PTPRA: variants seen among roughly 807,000 people sequenced by gnomAD.
PTPRA encodes the protein protein tyrosine phosphatase receptor type A, also known as receptor-type tyrosine-protein phosphatase alpha.
In PTPRA, 25 loss-of-function variants were observed where a neutral mutation model predicts 104.8. The ratio of observed to expected loss-of-function variants is 0.24; its 90% CI spans 0.17 to 0.33. The LOEUF is 0.33. Among genes scored for constraint, PTPRA ranks in the 10% least tolerant of loss-of-function variants. The pLI is 1.00. For missense variants in PTPRA, 765 were observed against 1,015.3 expected (o/e 0.75, Z 3.35); for synonymous variants, 323 against 368.9 (o/e 0.88, Z 1.43).
chr20:2,894,652 A>T (rs564963385), intron 1 of PTPRA, among the ~76,000 whole-genome samples: 4 of 151,226 alleles, frequency 2.6e-5, no homozygotes, highest in African/African-American at 9.7e-5. Context: ...TGTGATCTTC[A>T]CTTTAACTGT....
At chr20:2,930,675 CCTGT>C (rs2060472629) in intron 2 of PTPRA, among the ~76,000 whole-genome samples, 1 of 152,002 alleles carries the variant, frequency 6.6e-6, no homozygotes, top group South Asian at 2.1e-4. Flanking sequence ...TGGCATTTTC[CCTGT>C]CTGTTTTCAC....
At chr20:2,881,185 TG>T (rs2090029030) in intron 1 of PTPRA, among the ~76,000 whole-genome samples, 2 of 151,478 alleles carry the variant, frequency 1.3e-5, no homozygotes, top group Admixed American at 1.3e-4. Flanking sequence ...CGTGTGCCTC[TG>T]GGTAATTTCA....
At chr20:2,961,973 G>A (rs1161990106) in intron 3 of PTPRA, among the ~76,000 whole-genome samples, 1 of 152,024 alleles carries the variant, frequency 6.6e-6, no homozygotes, top group African/African-American at 2.4e-5. Context: ...CTTTTCTTTT[G>A]CTAATACCAC....
intron 9 of PTPRA, among the ~76,000 whole-genome samples, chr20:2,996,380 G>A (rs1600228758): frequency 6.6e-6 from 1 of 152,184 alleles, no homozygotes; most frequent in African/African-American, 2.4e-5. Context: ...TGGGAGAGAA[G>A]AGGAGAAATA....
chr20:2,877,422 G>T (rs1222655243), intron 1 of PTPRA, among the ~76,000 whole-genome samples: 7 of 152,114 alleles, frequency 4.6e-5, no homozygotes, highest in African/African-American at 1.7e-4. Flanking sequence ...ACTGTACCTG[G>T]CTAATTTTGT....
chr20:3,030,642 G>T (rs979759684), intron 20 of PTPRA, among the ~76,000 whole-genome samples: 1 of 143,662 alleles, frequency 7.0e-6, no homozygotes, highest in South Asian at 2.3e-4. Context: ...TTAAAATCTC[G>T]AAGGAATTAA....
At chr20:2,914,471 GTGTGTGTGTACTGTGAGTTCACAC>G (rs1338732911) in intron 1 of PTPRA, among the ~76,000 whole-genome samples, 5 of 151,362 alleles carry the variant, frequency 3.3e-5, no homozygotes, top group Non-Finnish European at 7.4e-5. Context: ...GTGTGTGTGT[GTGTGTGTGTACTGTGAGTTCACAC>G]TGGTACCTAG....
rs76988089 is a variant in PTPRA, at chr20:2,878,697, T to C, written c.-129+4937T>C. On this transcript the variant is annotated intron_variant, in intron 1 of 23. Coordinates refer to ENST00000399903, the MANE Select transcript of PTPRA (RefSeq NM_001385305.1). ...GGTGCCTAATTGCAATCTGGAAAGG[T>C]TGAACTAGTTTCCAGCACTATCAGC... 3.5e-3 allele frequency among the ~76,000 whole-genome samples: 536 copies of C among 152,356 alleles called. 5 individuals carry two copies. Among genetic ancestry groups the C allele is most frequent in the African/African-American group, 0.013 (524 of 41,582 alleles).
At chr20:2,867,281 C>T in the PTPRA span, among the ~76,000 whole-genome samples, 9 of 152,296 alleles carry the variant, frequency 5.9e-5, no homozygotes, top group East Asian at 3.9e-4. Context: ...GTGTGGCCTG[C>T]GGGCCATAGG....
At chr20:2,998,339 CAT>C (rs1568687840) in intron 9 of PTPRA, among the ~76,000 whole-genome samples, 1 of 152,106 alleles carries the variant, frequency 6.6e-6, no homozygotes, top group African/African-American at 2.4e-5. Context: ...GTGAAGAAGG[CAT>C]GTGTGTGTCA....
intron 5 of PTPRA, among the ~76,000 whole-genome samples, chr20:2,966,596 T>A (rs1180392250): frequency 6.6e-6 from 1 of 152,242 alleles, no homozygotes; most frequent in Non-Finnish European, 1.5e-5. Flanking sequence ...CTTTGTGCTT[T>A]AGAGTTAATG....
chr20:2,932,900 T>G (rs1478572033), intron 2 of PTPRA, among the ~76,000 whole-genome samples: 2 of 152,214 alleles, frequency 1.3e-5, no homozygotes, highest in Non-Finnish European at 2.9e-5. Context: ...TAATTTTCAC[T>G]AACATCATTA....
At chr20:2,934,579 A>G (rs2060622253) in intron 2 of PTPRA, among the ~76,000 whole-genome samples, 1 of 152,020 alleles carries the variant, frequency 6.6e-6, no homozygotes, top group East Asian at 1.9e-4. Context: ...CTTTTTTTAA[A>G]ACATTTTATT....
chr20:3,036,037 A>G, intron 22 of PTPRA, 96 bp downstream of exon 22: 7 of 1,575,048 alleles, frequency 4.4e-6, no homozygotes, highest in Non-Finnish European at 6.0e-6. Flanking sequence ...AAAGCCATAC[A>G]AGAGCAAGAT....
chr20:2,965,921 C>T (rs1490491073), intron 5 of PTPRA, among the ~76,000 whole-genome samples: 1 of 152,142 alleles, frequency 6.6e-6, no homozygotes, highest in Non-Finnish European at 1.5e-5. Context: ...ATTAGAGATA[C>T]CCTCAAAGGG....
intron 2 of PTPRA, among the ~76,000 whole-genome samples, chr20:2,938,045 G>T (rs188204735): frequency 6.6e-6 from 1 of 152,276 alleles, no homozygotes; most frequent in Admixed American, 6.5e-5. Flanking sequence ...GAGGCTGAGT[G>T]TGGTGGCTCA....
intron 6 of PTPRA, among the ~76,000 whole-genome samples, chr20:2,976,454 A>G (rs971788943): frequency 6.6e-6 from 1 of 152,200 alleles, no homozygotes; most frequent in Non-Finnish European, 1.5e-5. Flanking sequence ...TATCATATCT[A>G]TTTTACCTAC....
chr20:2,962,758 T>G (rs575416324), intron 3 of PTPRA, among the ~76,000 whole-genome samples: 1 of 152,320 alleles, frequency 6.6e-6, no homozygotes, highest in African/African-American at 2.4e-5. Context: ...TGTCAAAATC[T>G]TCTGTGGATG....
chr20:3,019,785 T>C (rs1448521461), intron 13 of PTPRA, among the ~76,000 whole-genome samples: 1 of 152,034 alleles, frequency 6.6e-6, no homozygotes, highest in Non-Finnish European at 1.5e-5. Flanking sequence ...CTGGGCACCA[T>C]TGAGCACTGA....
Sources: gnomAD v4.1 joint callset for allele counts (sites outside exome capture counted in the v4.1 genomes callset) on GRCh38, gnomAD v4.1.1 for gene constraint, MANE v1.5 for transcripts, NCBI Gene and HGNC (gene_info 2026-07-23, HGNC 2026-07-21) for gene names.